ATP11C: variants seen among roughly 807,000 people sequenced by gnomAD.
ATP11C encodes the protein ATPase phospholipid transporting 11C (ATP11C blood group).
ATP11C carries 36 observed loss-of-function variants against 97.4 expected under a neutral mutation model. That is an observed-to-expected ratio of 0.37 (90% CI 0.28 to 0.49). The LOEUF is 0.49. Among genes scored for constraint, ATP11C ranks in the 20% least tolerant of loss-of-function variants. The pLI, the probability that ATP11C is intolerant of heterozygous loss-of-function variation, is 0.98. For synonymous variants in ATP11C, 275 were observed against 290.9 expected (o/e 0.95, Z 0.56); for missense variants, 730 against 824.6 (o/e 0.89, Z 1.40).
chrX:139,801,838 T>C (rs1003111333), intron 7 of ATP11C, among the ~76,000 whole-genome samples: 6 of 111,869 alleles, frequency 5.4e-5, no homozygotes, highest in East Asian at 2.8e-4. Flanking sequence ...TAAGAAAGGA[T>C]AGAACCTACT....
In ATP11C at chrX:139,840,054, A is replaced by G. The variant is rs1366432460; in HGVS notation, c.28-13231T>C. On this transcript the variant is annotated intron_variant, in intron 1 of 29. Coordinates refer to ENST00000682941, the MANE Select transcript of ATP11C (RefSeq NM_001353812.2). ...AGACAGACCAACAATTTGTTCTCCAAAATCTATGTCTGCTACAGGGAATTT... is the reference window on the plus strand; with the variant it reads ...AGACAGACCAACAATTTGTTCTCCAGAATCTATGTCTGCTACAGGGAATTT... Among the ~76,000 whole-genome samples, 3 of 111,813 alleles carry G rather than the reference A, an allele frequency of 2.7e-5. No homozygotes were observed. In the Admixed American group the frequency reaches 2.9e-4, roughly 11 times the overall value.
At chrX:139,882,518 G>A (rs975096200) in intron 1 of ATP11C, among the ~76,000 whole-genome samples, 1 of 111,366 alleles carries the variant, frequency 9.0e-6, no homozygotes, top group African/African-American at 3.3e-5. Context: ...GGATACCAAA[G>A]CAGACTGTTG....
intron 26 of ATP11C, among the ~76,000 whole-genome samples, chrX:139,742,212 A>G (rs902157533): frequency 9.0e-6 from 1 of 111,167 alleles, no homozygotes; most frequent in Non-Finnish European, 1.9e-5. Flanking sequence ...TAAAAACCGA[A>G]AACTAGCATA....
chrX:139,787,278 T>A, intron 14 of ATP11C, 34 bp from the exon 15 acceptor site: 1 of 1,084,904 alleles, frequency 9.2e-7, no homozygotes, highest in Non-Finnish European at 1.2e-6. Flanking sequence ...CTTGTGTATC[T>A]CTAAAGAATG....
rs756085784 is a variant in ATP11C, at chrX:139,756,968, T to TAA, written c.2700+838_2700+839dup. Among the ~76,000 whole-genome samples the TAA allele has an allele frequency of 2.6e-3, 98 of 37,253 alleles. 1 individual carries two copies. Among genetic ancestry groups the TAA allele is most frequent in the African/African-American group, 4.1e-3 (43 of 10,509 alleles). The allele number at this position is 37,253 out of a possible 115,157, so 32.3% of individuals were successfully genotyped here. On this transcript the variant is annotated intron_variant, in intron 23 of 29. Transcript: ENST00000682941. ...GCACATGCACTCCTGAACCTAAAAG[T>TAA]AAAAAAAAAAAAAAAAAAAAAAAAC...
chrX:139,792,584 G>A (rs2082714379), intron 12 of ATP11C, among the ~76,000 whole-genome samples: 1 of 111,323 alleles, frequency 9.0e-6, no homozygotes, highest in African/African-American at 3.3e-5. Context: ...CTCCAGGTAG[G>A]CAGTATCAAA....
chrX:139,740,745 A>G (rs1317157826), intron 27 of ATP11C, among the ~76,000 whole-genome samples: 3 of 111,442 alleles, frequency 2.7e-5, no homozygotes, highest in Non-Finnish European at 5.7e-5. Flanking sequence ...ACCTTCAAAC[A>G]GACAGAAGCT....
intron 1 of ATP11C, among the ~76,000 whole-genome samples, chrX:139,832,907 G>A (rs888681575): frequency 1.8e-5 from 2 of 111,718 alleles, no homozygotes; most frequent in African/African-American, 6.5e-5. Context: ...AAAGCCAGTG[G>A]ATATTAGGGA....
At chrX:139,858,398 A>C (rs971344721) in intron 1 of ATP11C, among the ~76,000 whole-genome samples, 1 of 111,300 alleles carries the variant, frequency 9.0e-6, no homozygotes, top group African/African-American at 3.3e-5. Flanking sequence ...CCCATATTAA[A>C]TGATGCTATT....
chrX:139,733,049 T>C (rs779516888), intron 28 of ATP11C, among the ~76,000 whole-genome samples: 1 of 111,642 alleles, frequency 9.0e-6, no homozygotes, highest in Non-Finnish European at 1.9e-5. Flanking sequence ...GGGAAAACAT[T>C]TGGTGATACC....
At chrX:139,843,653 T>C (rs2083867151) in intron 1 of ATP11C, among the ~76,000 whole-genome samples, 1 of 111,700 alleles carries the variant, frequency 9.0e-6, no homozygotes, top group Admixed American at 9.6e-5. Context: ...GTGTATCAGT[T>C]CTACAGCCAG....
chrX:139,783,500 G>A (rs1157392693), intron 16 of ATP11C, among the ~76,000 whole-genome samples: 1 of 111,755 alleles, frequency 8.9e-6, no homozygotes, highest in Non-Finnish European at 1.9e-5. Flanking sequence ...TTTACAATAG[G>A]CACCTCTGTT....
At chrX:139,730,363 A>T (rs2081316764) in intron 29 of ATP11C, among the ~76,000 whole-genome samples, 1 of 109,849 alleles carries the variant, frequency 9.1e-6, no homozygotes, top group African/African-American at 3.3e-5. Flanking sequence ...GCAATCTGGG[A>T]CAAAGGGGTC....
intron 1 of ATP11C, among the ~76,000 whole-genome samples, chrX:139,927,414 C>T (rs1019515293): frequency 3.6e-5 from 4 of 111,176 alleles, no homozygotes; most frequent in African/African-American, 9.8e-5. Context: ...CTAGCCTGGC[C>T]AACATGGTGA....
chrX:139,822,833 G>A (rs72617904), intron 2 of ATP11C, among the ~76,000 whole-genome samples: 2,821 of 108,968 alleles, frequency 0.026, 98 homozygotes, highest in East Asian at 0.17. Context: ...CCACTGCACC[G>A]GGCCTCTTTT....
intron 1 of ATP11C, among the ~76,000 whole-genome samples, chrX:139,928,966 T>C (rs2085393537): frequency 8.9e-6 from 1 of 112,213 alleles, no homozygotes; most frequent in South Asian, 3.6e-4. Context: ...TTTTTAGACT[T>C]TCAATAAATC....
At chrX:139,774,624 G>T in intron 19 of ATP11C, 66 bp downstream of exon 19, 2 of 972,114 alleles carry the variant, frequency 2.1e-6, no homozygotes, top group East Asian at 3.1e-5. Context: ...GAAGCCTTTT[G>T]TATATGCAGC....
chrX:139,732,932 T>A (rs749005522), intron 28 of ATP11C, among the ~76,000 whole-genome samples: 53 of 111,585 alleles, frequency 4.7e-4, no homozygotes, highest in Non-Finnish European at 8.7e-4. Flanking sequence ...CAATCACCAA[T>A]CTATCTTGAA....
intron 1 of ATP11C, among the ~76,000 whole-genome samples, chrX:139,855,278 C>A (rs1450182403): frequency 8.9e-6 from 1 of 111,998 alleles, no homozygotes; most frequent in African/African-American, 3.2e-5. Context: ...AACAAAAGGT[C>A]AGTTTCTTAG....
Sources: gnomAD v4.1 joint callset for allele counts (sites outside exome capture counted in the v4.1 genomes callset) on GRCh38, gnomAD v4.1.1 for gene constraint, MANE v1.5 for transcripts, NCBI Gene and HGNC (gene_info 2026-07-23, HGNC 2026-07-21) for gene names.